The following FAM174A variants were observed in gnomAD, a reference collection of about 807,000 sequenced individuals.
FAM174A encodes membrane protein FAM174A.
A neutral mutation model predicts 14.3 loss-of-function variants in FAM174A; 14 were observed. The ratio of observed to expected loss-of-function variants is 0.98; its 90% confidence interval spans 0.65 to 1.53. The LOEUF is 1.53. FAM174A is among the 40% of genes most tolerant of loss of function. The probability of loss-of-function intolerance (pLI) is 0.00; values close to 1 mark genes in which losing one functional copy is unlikely to be tolerated. For missense variants in FAM174A, 241 were observed against 249.6 expected (o/e 0.97, Z 0.23); for synonymous variants, 108 against 111.4 (o/e 0.97, Z 0.19).
chr5:100,581,445 A>G, intron 2 of FAM174A: 1 of 936,634 alleles, frequency 1.1e-6, no homozygotes, highest in Non-Finnish European at 1.3e-6. Flanking sequence ...TTAAAGATAT[A>G]AGTTAATCAA....
chr5:100,536,648 G>A (rs868266207), intron 1 of FAM174A, among the ~76,000 whole-genome samples: 1 of 152,182 alleles, frequency 6.6e-6, no homozygotes. Context: ...CCAGCAAAGA[G>A]ATAAGGTGAG....
At chr5:100,546,217 G>C (rs1746161890) in intron 1 of FAM174A, among the ~76,000 whole-genome samples, 1 of 152,212 alleles carries the variant, frequency 6.6e-6, no homozygotes, top group Non-Finnish European at 1.5e-5. Context: ...GTCTTGCCAT[G>C]CCAACATATG....
chr5:100,566,668 G>A (rs941010389), intron 2 of FAM174A, among the ~76,000 whole-genome samples: 10 of 151,766 alleles, frequency 6.6e-5, no homozygotes, highest in East Asian at 1.9e-4. Context: ...ATTGTTTCAC[G>A]TAGTATATGC....
chr5:100,583,638 A>ATT (rs75784085), intron 2 of FAM174A, among the ~76,000 whole-genome samples: 99 of 143,572 alleles, frequency 6.9e-4, no homozygotes, highest in Middle Eastern at 3.6e-3. Flanking sequence ...TTTATTACCG[A>ATT]TTTTTTTTTT....
chr5:100,549,227 G>C (rs1746216954), intron 1 of FAM174A, among the ~76,000 whole-genome samples: 1 of 152,048 alleles, frequency 6.6e-6, no homozygotes, highest in South Asian at 2.1e-4. Context: ...CTGAACTGTA[G>C]ATAGAACTTT....
intron 1 of FAM174A, among the ~76,000 whole-genome samples, chr5:100,557,615 G>A (rs998793415): frequency 4.6e-5 from 7 of 152,020 alleles, no homozygotes; most frequent in Admixed American, 2.6e-4. Flanking sequence ...CAATTTCAGA[G>A]CCTGTTATTG....
intron 1 of FAM174A, among the ~76,000 whole-genome samples, chr5:100,558,598 C>G (rs1337777866): frequency 6.6e-6 from 1 of 151,936 alleles, no homozygotes; most frequent in Non-Finnish European, 1.5e-5. Flanking sequence ...TCTCTAAGGA[C>G]TTGCTTTATG....
At chr5:100,575,836 A>T (rs561800161) in intron 2 of FAM174A, among the ~76,000 whole-genome samples, 15 of 152,330 alleles carry the variant, frequency 9.8e-5, no homozygotes, top group Admixed American at 8.5e-4. Context: ...ACAAATTTAC[A>T]AGAAAAAACC....
chr5:100,558,301 T>TA (rs1746441138), intron 1 of FAM174A, among the ~76,000 whole-genome samples: 2 of 152,026 alleles, frequency 1.3e-5, no homozygotes, highest in African/African-American at 4.8e-5. Flanking sequence ...TGGTCTGAGA[T>TA]ACAGTTTGTT....
At chr5:100,541,166 G>A (rs1746043223) in intron 1 of FAM174A, among the ~76,000 whole-genome samples, 1 of 152,092 alleles carries the variant, frequency 6.6e-6, no homozygotes, top group African/African-American at 2.4e-5. Context: ...CTGAATATTA[G>A]GGCTTCAAAG....
chr5:100,550,481 A>G (rs1029210617), intron 1 of FAM174A, among the ~76,000 whole-genome samples: 1 of 152,134 alleles, frequency 6.6e-6, no homozygotes, highest in Admixed American at 6.6e-5. Context: ...GCCAATCTAT[A>G]TATTTTACTC....
Position 100,562,110 on chromosome 5 carries a change from A to G in FAM174A, c.491A>G (p.Glu164Gly), listed in dbSNP as rs1746536433. The change falls in exon 2 of 3, where the codon GAA (glutamate) becomes GGA (glycine). Residue 164 changes from glutamate to glycine, a missense_variant. By Grantham distance (98) the Glu-to-Gly change is moderately conservative. Transcript: ENST00000312637. ...RRYGVLDTNI[E>G]NMELTPLEQD... ...TATGGAGTTTTGGACACTAACATAG[A>G]AAATATGGAATTGACACCTTTAGAA... 2.5e-6 allele frequency: 4 copies of G among 1,588,812 alleles called. No homozygotes were observed. The highest frequency in any genetic ancestry group is 1.8e-5 in the Admixed American group (1 of 55,300).
In FAM174A at chr5:100,570,380, T is replaced by C. The variant is rs1746755924; in HGVS notation, c.569+8192T>C. ...TAATGTTGATATTAGAGATTAAACA[T>C]GCATTACACTATCAATTCATTAAAC... On this transcript the variant is annotated intron_variant, in intron 2 of 2. Transcript: ENST00000312637. Among the ~76,000 whole-genome samples the C allele has an allele frequency of 2.6e-5, 4 of 152,138 alleles. No individual in the cohort carries two copies. In the South Asian group the frequency reaches 8.3e-4, roughly 31 times the overall value.
intron 2 of FAM174A, among the ~76,000 whole-genome samples, chr5:100,584,671 C>T (rs1747092080): frequency 1.3e-5 from 2 of 152,120 alleles, no homozygotes; most frequent in South Asian, 4.1e-4. Flanking sequence ...TGCAACCACA[C>T]AAAAGCTTAA....
chr5:100,538,478 C>A (rs768892307), intron 1 of FAM174A, among the ~76,000 whole-genome samples: 6 of 151,776 alleles, frequency 4.0e-5, no homozygotes, highest in Non-Finnish European at 1.5e-5. Context: ...TTCCAAAGAA[C>A]AGTCAGGTTC....
intron 2 of FAM174A, among the ~76,000 whole-genome samples, chr5:100,570,682 A>T (rs1746760370): frequency 6.6e-6 from 1 of 152,004 alleles, no homozygotes; most frequent in South Asian, 2.1e-4. Flanking sequence ...GAGGGAATTA[A>T]GATTGCTAAT....
At chr5:100,586,047 C>T in intron 2 of FAM174A, 134 bp from the exon 3 acceptor site, 1 of 406,924 alleles carries the variant, frequency 2.5e-6, no homozygotes, top group Non-Finnish European at 4.6e-6. Context: ...TATTGGTGTT[C>T]TTTTTAATAA....
chr5:100,563,494 G>A (rs1269930049), intron 2 of FAM174A, among the ~76,000 whole-genome samples: 1 of 151,496 alleles, frequency 6.6e-6, no homozygotes, highest in African/African-American at 2.4e-5. Flanking sequence ...AAATTATAAA[G>A]CAAATATTGA....
rs1745933104 is a variant in FAM174A, at chr5:100,535,880, A to G, written c.350A>G (p.Asp117Gly). ...GGLAVSPNPG[D>G]KPMTQRALTV... ...CTTGCTGTGAGCCCCAACCCTGGCG[A>G]CAAGCCCATGACCCAGCGGGCCCTG... The change falls in exon 1 of 3, where the codon GAC becomes GGC. Residue 117 changes from aspartate to glycine, a missense_variant. Transcript: ENST00000312637. 2 of 1,613,004 alleles carry G rather than the reference A, an allele frequency of 1.2e-6. No individual in the cohort carries two copies. The highest frequency in any genetic ancestry group is 1.7e-6 in the Non-Finnish European group (2 of 1,179,930).
Sources: allele counts gnomAD v4.1 joint callset (sites outside exome capture counted in the v4.1 genomes callset), GRCh38; gene constraint gnomAD v4.1.1; transcripts MANE v1.5; gene names NCBI Gene and HGNC (gene_info 2026-07-23, HGNC 2026-07-21).